The following ME1 variants were observed in gnomAD, a reference collection of about 807,000 sequenced individuals.
ME1 encodes the protein NADP-dependent malic enzyme.
In ME1, 74 loss-of-function variants were observed where a neutral mutation model predicts 66.4. The ratio of observed to expected loss-of-function variants is 1.11; its 90% CI spans 0.92 to 1.35. The LOEUF (loss-of-function observed/expected upper bound fraction) is 1.35. Ranked by LOEUF, ME1 falls within the 40% of genes most tolerant of loss-of-function variation. The probability of loss-of-function intolerance (pLI) is 0.00; values close to 1 mark genes in which losing one functional copy is unlikely to be tolerated. For synonymous variants in ME1, 251 were observed against 235.6 expected, an observed-to-expected ratio of 1.07 and a Z score of -0.60; for missense variants, 750 against 694.1, an observed-to-expected ratio of 1.08 and a Z score of -0.90.
At chr6:83,283,172 G>T (rs1180389199) in intron 6 of ME1, among the ~76,000 whole-genome samples, 2 of 136,770 alleles carry the variant, frequency 1.5e-5, no homozygotes, top group Non-Finnish European at 3.1e-5. Context: ...AGCTTGCAGT[G>T]AGCCGAGATC....
In ME1 at chr6:83,398,533, T is replaced by C. The variant is rs777423009; in HGVS notation, c.213-17A>G. 1.4e-6 allele frequency: 2 copies of C among 1,393,128 alleles called. No homozygotes were observed. Among genetic ancestry groups the C allele is most frequent in the Admixed American group, 4.4e-5 (2 of 45,554 alleles). The allele number at this position is 1,393,128 out of a possible 1,614,324, so 86.3% of individuals were successfully genotyped here. A position where few individuals can be genotyped will look rare whatever the true frequency, so the allele number is the denominator to read the frequency against. On this transcript the variant is annotated splice_polypyrimidine_tract_variant and intron_variant, in intron 2 of 13. Coordinates refer to ENST00000369705, the MANE Select transcript of ME1 (RefSeq NM_002395.6). ...AGAAGATACCTGTAAAAATTGGACATAATTAGATCTACATCCCATAAAGTC... is the reference window on the plus strand; with the variant it reads ...AGAAGATACCTGTAAAAATTGGACACAATTAGATCTACATCCCATAAAGTC...
chr6:83,274,022 C>T (rs1287098803), intron 6 of ME1, among the ~76,000 whole-genome samples: 1 of 152,184 alleles, frequency 6.6e-6, no homozygotes, highest in Non-Finnish European at 1.5e-5. Flanking sequence ...TATCCCTCAG[C>T]TTCACTGCTA....
chr6:83,373,808 G>A (rs958337135), intron 3 of ME1, among the ~76,000 whole-genome samples: 8 of 152,006 alleles, frequency 5.3e-5, no homozygotes, highest in African/African-American at 1.9e-4. Context: ...CCCTCCCTGT[G>A]TCCATGTGTT....
chr6:83,416,990 T>C (rs944652521), intron 1 of ME1, among the ~76,000 whole-genome samples: 1 of 152,064 alleles, frequency 6.6e-6, no homozygotes, highest in Non-Finnish European at 1.5e-5. Flanking sequence ...TATCTGGAAA[T>C]AACATTCATG....
intron 5 of ME1, among the ~76,000 whole-genome samples, chr6:83,333,675 A>C (rs1369979763): frequency 6.6e-6 from 1 of 152,194 alleles, no homozygotes; most frequent in Non-Finnish European, 1.5e-5. Flanking sequence ...AGCAACAGAA[A>C]AGTTAATCCA....
At chr6:83,311,126 A>G (rs974092494) in intron 6 of ME1, among the ~76,000 whole-genome samples, 1 of 151,890 alleles carries the variant, frequency 6.6e-6, no homozygotes, top group Non-Finnish European at 1.5e-5. Context: ...ACTACCATCT[A>G]CCTCTGCCTC....
chr6:83,231,851 T>C (rs914516493), intron 9 of ME1, among the ~76,000 whole-genome samples: 1 of 152,186 alleles, frequency 6.6e-6, no homozygotes, highest in Non-Finnish European at 1.5e-5. Flanking sequence ...CTCTGTTTTT[T>C]TCAAGAGTCT....
At chr6:83,403,772 T>C (rs907709714) in intron 2 of ME1, among the ~76,000 whole-genome samples, 5 of 152,188 alleles carry the variant, frequency 3.3e-5, no homozygotes, top group African/African-American at 1.2e-4. Context: ...TGTTCCTATG[T>C]CAGTTTGCTG....
intron 6 of ME1, among the ~76,000 whole-genome samples, chr6:83,266,925 A>AC (rs1213065465): frequency 2.6e-5 from 4 of 152,074 alleles, no homozygotes; most frequent in African/African-American, 7.2e-5. Context: ...TTCACATTAA[A>AC]CCATTTATGA....
intron 9 of ME1, among the ~76,000 whole-genome samples, chr6:83,235,358 C>T (rs908054849): frequency 2.0e-5 from 3 of 152,248 alleles, no homozygotes; most frequent in East Asian, 1.9e-4. Flanking sequence ...GAACAACACC[C>T]GATCCATAGG....
chr6:83,378,044 G>A (rs1406583611), intron 3 of ME1, among the ~76,000 whole-genome samples: 2 of 152,036 alleles, frequency 1.3e-5, no homozygotes. Context: ...ATACCCAGGG[G>A]AGGAAGAAAG....
At chr6:83,378,197 G>A (rs995372305) in intron 3 of ME1, among the ~76,000 whole-genome samples, 8 of 151,582 alleles carry the variant, frequency 5.3e-5, no homozygotes, top group East Asian at 1.9e-4. Context: ...TAATACAATG[G>A]GGGGGTGGGG....
chr6:83,256,170 A>C (rs1013170530), intron 6 of ME1, among the ~76,000 whole-genome samples: 10 of 152,292 alleles, frequency 6.6e-5, no homozygotes, highest in African/African-American at 2.4e-4. Flanking sequence ...TCCTATCAGA[A>C]AAATGAGAAT....
intron 13 of ME1, 37 bp downstream of exon 13, chr6:83,216,461 A>G: frequency 2.9e-6 from 4 of 1,374,434 alleles, no homozygotes; most frequent in Non-Finnish European, 4.1e-6. Context: ...AAGAAAAGGA[A>G]GGAAAAATAA....
intron 3 of ME1, among the ~76,000 whole-genome samples, chr6:83,393,613 A>AT (rs1769674259): frequency 6.6e-6 from 1 of 151,934 alleles, no homozygotes; most frequent in Non-Finnish European, 1.5e-5. Context: ...CTTGCCAAAA[A>AT]AAAAAAAACT....
intron 6 of ME1, among the ~76,000 whole-genome samples, chr6:83,274,637 T>C (rs1254351757): frequency 1.3e-5 from 2 of 152,204 alleles, no homozygotes; most frequent in East Asian, 3.8e-4. Context: ...CAACATAAAA[T>C]ACATCTAGAA....
chr6:83,228,727 A>G (rs915271475), intron 10 of ME1, 99 bp downstream of exon 10: 2 of 801,408 alleles, frequency 2.5e-6, no homozygotes, highest in Non-Finnish European at 4.1e-6. Context: ...TAGTTTTTTG[A>G]ATTCAAAAAG....
chr6:83,286,647 T>C (rs1767401206), intron 6 of ME1, among the ~76,000 whole-genome samples: 3 of 152,140 alleles, frequency 2.0e-5, no homozygotes, highest in South Asian at 2.1e-4. Flanking sequence ...CAGCAGTATA[T>C]AAAAGGCATA....
At chr6:83,264,241 C>A (rs1411121592) in intron 6 of ME1, among the ~76,000 whole-genome samples, 1 of 152,150 alleles carries the variant, frequency 6.6e-6, no homozygotes, top group Non-Finnish European at 1.5e-5. Flanking sequence ...TATCTTAAGT[C>A]TGCTAATGAG....
Sources: gnomAD v4.1 joint callset for allele counts (sites outside exome capture counted in the v4.1 genomes callset) on GRCh38, gnomAD v4.1.1 for gene constraint, MANE v1.5 for transcripts, NCBI Gene and HGNC (gene_info 2026-07-23, HGNC 2026-07-21) for gene names.